Variants in AP1AR observed in about 807,000 individuals in gnomAD.
The protein encoded by AP1AR is adaptor related protein complex 1 associated regulatory protein.
In AP1AR, 29 loss-of-function variants were observed where a neutral mutation model predicts 46.3. The observed-to-expected ratio is 0.63, with a 90% confidence interval of 0.47 to 0.85. The LOEUF is 0.85. Among genes scored for constraint, AP1AR ranks in the 40% least tolerant of loss-of-function variants. The pLI is 0.00. For synonymous variants in AP1AR, 122 were observed against 122.9 expected (o/e 0.99, Z 0.05); for missense variants, 357 against 356.3 (o/e 1.00, Z -0.02).
chr4:112,240,267 G>C (rs998604274), intron 1 of AP1AR, among the ~76,000 whole-genome samples: 3 of 151,748 alleles, frequency 2.0e-5, no homozygotes, highest in Non-Finnish European at 4.4e-5. Context: ...TTTTTACTTA[G>C]ATGACTCCTA....
intron 4 of AP1AR, among the ~76,000 whole-genome samples, chr4:112,258,065 C>G (rs999356196): frequency 2.6e-5 from 4 of 152,104 alleles, no homozygotes; most frequent in Non-Finnish European, 5.9e-5. Context: ...CCATTTAATA[C>G]TGATAAGTAC....
intron 3 of AP1AR, among the ~76,000 whole-genome samples, chr4:112,257,216 A>G (rs902843453): frequency 1.3e-5 from 2 of 152,234 alleles, no homozygotes; most frequent in African/African-American, 2.4e-5. Flanking sequence ...TTATAGCATG[A>G]GAGCTGAAAC....
intron 4 of AP1AR, among the ~76,000 whole-genome samples, chr4:112,259,850 G>A (rs1272847641): frequency 3.3e-5 from 5 of 152,110 alleles, no homozygotes; most frequent in Non-Finnish European, 4.4e-5. Context: ...AGGATGGTGA[G>A]GAGAATAGGA....
At chr4:112,259,034 G>A (rs1035358813) in intron 4 of AP1AR, among the ~76,000 whole-genome samples, 1 of 152,078 alleles carries the variant, frequency 6.6e-6, no homozygotes, top group Non-Finnish European at 1.5e-5. Context: ...CACTAGAAGA[G>A]GATTCTGAAG....
In AP1AR at chr4:112,266,684, C is replaced by T. The variant is rs765156038; in HGVS notation, c.611C>T (p.Thr204Ile). 1.9e-6 allele frequency: 3 copies of T among 1,609,856 alleles called. No homozygotes were observed. The highest frequency in any genetic ancestry group is 2.5e-6 in the Non-Finnish European group (3 of 1,177,372). Residue 204 changes from threonine to isoleucine, a missense_variant, in exon 9 of 10, where the codon ACA (threonine) becomes ATA (isoleucine). This residue lies in a region of AP1AR where 88 missense variants were observed against 132.7 expected (regional missense o/e 0.66). Transcript: ENST00000274000. ...TCAACTAGTGGAAATGACGACAGCA[C>T]ATCCTTAGATCTAGAGTGGGAAGAT... ...TKSTSGNDDS[T>I]SLDLEWEDEE...
At chr4:112,251,621 A>C (rs1725966300) in intron 1 of AP1AR, among the ~76,000 whole-genome samples, 1 of 152,224 alleles carries the variant, frequency 6.6e-6, no homozygotes, top group African/African-American at 2.4e-5. Flanking sequence ...TGATGGTTGC[A>C]GGGAGAGAAG....
chr4:112,251,033 A>C (rs1172000194), intron 1 of AP1AR, among the ~76,000 whole-genome samples: 1 of 152,206 alleles, frequency 6.6e-6, no homozygotes, highest in African/African-American at 2.4e-5. Flanking sequence ...GGTGGAATGC[A>C]TCTGGTTCTT....
intron 4 of AP1AR, among the ~76,000 whole-genome samples, chr4:112,260,083 G>A (rs888121362): frequency 6.6e-6 from 1 of 152,190 alleles, no homozygotes; most frequent in African/African-American, 2.4e-5. Context: ...CCAAATTGAT[G>A]TCAGGTTTTC....
chr4:112,255,051 C>T (rs1469846524), intron 3 of AP1AR, among the ~76,000 whole-genome samples: 1 of 151,878 alleles, frequency 6.6e-6, no homozygotes, highest in Admixed American at 6.6e-5. Flanking sequence ...AGCTCCGCCT[C>T]CCGGGTCACG....
chr4:112,250,809 A>C (rs1725928127), intron 1 of AP1AR, among the ~76,000 whole-genome samples: 1 of 150,090 alleles, frequency 6.7e-6, no homozygotes, highest in South Asian at 2.1e-4. Context: ...TCCCAAATAT[A>C]TTTTGCTTTT....
rs1019458507 is a variant in AP1AR, at chr4:112,267,189, C to T, written c.643+473C>T. 3.2e-4 allele frequency among the ~76,000 whole-genome samples: 49 copies of T among 151,844 alleles called. 1 individual carries two copies. The highest frequency in any genetic ancestry group is 3.4e-3 in the Middle Eastern group (1 of 294). ...GTGATTTTTCAGGAGTGACAGACAACGGTGATACAGATTTAAATGTTCTTT... is the reference window on the plus strand; with the variant it reads ...GTGATTTTTCAGGAGTGACAGACAATGGTGATACAGATTTAAATGTTCTTT... On this transcript the variant is annotated intron_variant, in intron 9 of 9. Transcript: ENST00000274000.
At position 112,231,882 on chromosome 4, in the gene AP1AR, G is replaced by A. The variant is rs895349492; in HGVS notation, c.-210G>A. 2.5e-6 allele frequency: 1 copy of A among 404,586 alleles called. No individual in the cohort carries two copies. The highest frequency in any genetic ancestry group is 6.0e-4 in the Middle Eastern group (1 of 1,670). The allele number at this position is 404,586 out of a possible 1,614,324, so 25.1% of individuals were successfully genotyped here. The stretch of plus-strand genomic sequence containing the variant: ...CGGTGCTCCTCCCTCGCGCAGCGGT[G>A]GCTCTGCGGCCGCTGGAGTAAACAC... On this transcript the variant is annotated 5_prime_UTR_variant, in exon 1 of 10. Transcript: ENST00000274000.
chr4:112,269,853 A>G lies in AP1AR; in HGVS notation c.*1444A>G, dbSNP rs1726878584. 1 of 152,514 alleles carries G rather than the reference A, an allele frequency of 6.6e-6. No homozygotes were observed. The highest frequency in any genetic ancestry group is 2.1e-4 in the South Asian group (1 of 4,832). 9.4% of individuals were successfully genotyped at this position (152,514 alleles called of 1,614,324 possible). ...TAAGTTGTAGCTGTGTCTTGGAAAT[A>G]TTTTTAAGGTAATCTATATTCACAT... On this transcript the variant is annotated 3_prime_UTR_variant, in exon 10 of 10. Coordinates refer to ENST00000274000, the MANE Select transcript of AP1AR (RefSeq NM_018569.6).
chr4:112,269,631 A>T lies in AP1AR; in HGVS notation c.*1222A>T, dbSNP rs1378105381. On this transcript the variant is annotated 3_prime_UTR_variant, in exon 10 of 10. Coordinates refer to ENST00000274000, the MANE Select transcript of AP1AR (RefSeq NM_018569.6). ...TGTTCTTATAAATATAGGAAGGTCC[A>T]GATATAAATAGTAACCTAAAGTTCT... The T allele has an allele frequency of 1.3e-5, 2 of 152,348 alleles. No homozygotes were observed. The highest frequency in any genetic ancestry group is 2.9e-5 in the Non-Finnish European group (2 of 67,896). 9.4% of individuals were successfully genotyped at this position (152,348 alleles called of 1,614,324 possible).
intron 1 of AP1AR, among the ~76,000 whole-genome samples, chr4:112,235,611 AG>A (rs987583277): frequency 2.6e-5 from 4 of 152,300 alleles, no homozygotes; most frequent in African/African-American, 9.6e-5. Flanking sequence ...GAGGCAAGTA[AG>A]TATATATATT....
chr4:112,243,711 C>CT (rs903244969), intron 1 of AP1AR, among the ~76,000 whole-genome samples: 4 of 151,390 alleles, frequency 2.6e-5, no homozygotes, highest in South Asian at 2.1e-4. Flanking sequence ...TTTCCAACTT[C>CT]TTTTTTTTTC....
At chr4:112,244,958 T>G (rs1410689637) in intron 1 of AP1AR, among the ~76,000 whole-genome samples, 2 of 152,198 alleles carry the variant, frequency 1.3e-5, no homozygotes, top group African/African-American at 4.8e-5. Context: ...TAATAGAATC[T>G]TAGATTGTTC....
Position 112,269,834 on chromosome 4 carries a change from G to A in AP1AR, c.*1425G>A, listed in dbSNP as rs1726878350. 1.3e-5 allele frequency: 2 copies of A among 152,436 alleles called. No homozygotes were observed. The highest frequency in any genetic ancestry group is 2.9e-5 in the Non-Finnish European group (2 of 67,936). The allele number at this position is 152,436 out of a possible 1,614,324, so 9.4% of individuals were successfully genotyped here. A position where few individuals can be genotyped will look rare whatever the true frequency, so the allele number is the denominator to read the frequency against. The stretch of plus-strand genomic sequence containing the variant: ...TATCTGTCTTAACATAATTTAAGTT[G>A]TAGCTGTGTCTTGGAAATATTTTTA... On this transcript the variant is annotated 3_prime_UTR_variant, in exon 10 of 10. Transcript: ENST00000274000.
chr4:112,256,188 A>G (rs1289766681), intron 3 of AP1AR, among the ~76,000 whole-genome samples: 1 of 152,226 alleles, frequency 6.6e-6, no homozygotes, highest in Non-Finnish European at 1.5e-5. Flanking sequence ...AACGTGGGTA[A>G]AAATCCTTTT....
Sources: gnomAD v4.1 joint callset for allele counts (sites outside exome capture counted in the v4.1 genomes callset) on GRCh38, gnomAD v4.1.1 for gene constraint, gnomAD v4.1.1 regional missense constraint, MANE v1.5 for transcripts, NCBI Gene and HGNC (gene_info 2026-07-23, HGNC 2026-07-21) for gene names.